Variants in COX7B2 observed in about 807,000 individuals in gnomAD.
COX7B2 encodes cytochrome c oxidase subunit 7B2, mitochondrial.
For missense variants in COX7B2, 109 were observed against 95.9 expected, an observed-to-expected ratio of 1.14 and a Z score of -0.57; for synonymous variants, 37 against 32.1, an observed-to-expected ratio of 1.15 and a Z score of -0.51.
chr4:46,844,682 A>G (rs1173748472), intron 2 of COX7B2, among the ~76,000 whole-genome samples: 3 of 152,146 alleles, frequency 2.0e-5, no homozygotes, highest in South Asian at 2.1e-4. Context: ...CTGTTCGTGT[A>G]GTTAAGACTA....
chr4:46,859,680 A>G (rs1717221857), intron 1 of COX7B2, among the ~76,000 whole-genome samples: 1 of 152,202 alleles, frequency 6.6e-6, no homozygotes, highest in African/African-American at 2.4e-5. Context: ...TAAAGAAACC[A>G]TCCAGAACCA....
intron 1 of COX7B2, among the ~76,000 whole-genome samples, chr4:46,870,791 A>G (rs939424993): frequency 2.0e-5 from 3 of 152,180 alleles, no homozygotes; most frequent in East Asian, 3.8e-4. Context: ...AGAAAGTGAA[A>G]GATCTCTACA....
intron 2 of COX7B2, among the ~76,000 whole-genome samples, chr4:46,754,730 A>ATATATATATATATATATATG (rs1471727627): frequency 1.9e-5 from 2 of 107,122 alleles, no homozygotes; most frequent in African/African-American, 3.4e-5. Flanking sequence ...GTGTGTGTGT[A>ATATATATATATATATATATG]TATATATATA....
intron 2 of COX7B2, among the ~76,000 whole-genome samples, chr4:46,774,349 T>C (rs58056631): frequency 0.034 from 5,116 of 152,032 alleles, 227 homozygotes; most frequent in African/African-American, 0.1. Flanking sequence ...TACCTGACCT[T>C]GTCTTCAAGT....
At chr4:46,873,012 C>T (rs1418177632) in intron 1 of COX7B2, among the ~76,000 whole-genome samples, 1 of 148,842 alleles carries the variant, frequency 6.7e-6, no homozygotes, top group Non-Finnish European at 1.5e-5. Flanking sequence ...GTGATGTTTC[C>T]CTCCCTGTGT....
At chr4:46,816,509 A>C (rs1719557415) in intron 2 of COX7B2, among the ~76,000 whole-genome samples, 1 of 152,186 alleles carries the variant, frequency 6.6e-6, no homozygotes, top group Admixed American at 6.5e-5. Context: ...ATAGTTATTT[A>C]TAGTTATTAT....
chr4:46,838,869 T>C (rs535969506), intron 2 of COX7B2, among the ~76,000 whole-genome samples: 2 of 152,048 alleles, frequency 1.3e-5, no homozygotes, highest in Admixed American at 6.6e-5. Context: ...AGATTAATTT[T>C]ACCTTTCCTG....
intron 2 of COX7B2, among the ~76,000 whole-genome samples, chr4:46,798,201 T>G (rs1718462148): frequency 6.6e-6 from 1 of 152,202 alleles, no homozygotes; most frequent in Non-Finnish European, 1.5e-5. Flanking sequence ...TCTAGTGGTA[T>G]GGGGCATGTT....
At chr4:46,865,914 G>A (rs773616181) in intron 1 of COX7B2, among the ~76,000 whole-genome samples, 1 of 152,080 alleles carries the variant, frequency 6.6e-6, no homozygotes, top group African/African-American at 2.4e-5. Context: ...CTTGTTAGGT[G>A]GAATTCTCCC....
intron 2 of COX7B2, among the ~76,000 whole-genome samples, chr4:46,753,274 C>T (rs1051214969): frequency 6.6e-6 from 1 of 152,010 alleles, no homozygotes; most frequent in Non-Finnish European, 1.5e-5. Context: ...TCCCCTTTAT[C>T]ATTTTTTATT....
rs545991171 is a variant in COX7B2 at position 46,880,595 on chromosome 4, G to A, written c.-105+28565C>T. Among the ~76,000 whole-genome samples the A allele has an allele frequency of 5.3e-4, 80 of 151,692 alleles. 1 individual carries two copies. Among genetic ancestry groups the A allele is most frequent in the Admixed American group, 1.6e-3 (24 of 15,252 alleles). On this transcript the variant is annotated intron_variant, in intron 1 of 2. Coordinates refer to ENST00000355591, the MANE Select transcript of COX7B2 (RefSeq NM_130902.3). ...TTGTGTACATAAGGTGTTCGTAGTA[G>A]TTTCTGATGGCAATTTTTATTTAAG...
In COX7B2 at chr4:46,880,002, G is replaced by A. The variant is rs542381300; in HGVS notation, c.-105+29158C>T. ...ACTTCCAATACTGTCTTGAATAGAA[G>A]TGGTGAGAGAGGGCATCCTTGCCTC... is the stretch of plus-strand genomic sequence containing the variant. On this transcript the variant is annotated intron_variant, in intron 1 of 2. Coordinates refer to ENST00000355591, the MANE Select transcript of COX7B2 (RefSeq NM_130902.3). 3.9e-5 allele frequency among the ~76,000 whole-genome samples: 6 copies of A among 152,230 alleles called. No individual in the cohort carries two copies. In the East Asian group the frequency reaches 1.2e-3, roughly 29 times the overall value.
intron 2 of COX7B2, among the ~76,000 whole-genome samples, chr4:46,743,988 C>A (rs1577649903): frequency 1.3e-5 from 2 of 152,144 alleles, no homozygotes; most frequent in South Asian, 2.1e-4. Flanking sequence ...TTTGTCTTAA[C>A]AACACTCATA....
At chr4:46,858,104 G>A (rs1717108340) in intron 1 of COX7B2, among the ~76,000 whole-genome samples, 1 of 151,992 alleles carries the variant, frequency 6.6e-6, no homozygotes, top group Non-Finnish European at 1.5e-5. Flanking sequence ...AATTATTGTA[G>A]CATCACATTC....
intron 1 of COX7B2, among the ~76,000 whole-genome samples, chr4:46,870,297 A>G (rs1717904059): frequency 6.7e-6 from 1 of 150,104 alleles, no homozygotes; most frequent in Admixed American, 6.7e-5. Flanking sequence ...CTTCCTGTTC[A>G]AAACTCTCAA....
intron 2 of COX7B2, among the ~76,000 whole-genome samples, chr4:46,842,058 G>A (rs911370573): frequency 6.6e-6 from 1 of 151,866 alleles, no homozygotes; most frequent in Non-Finnish European, 1.5e-5. Context: ...CCTTTACCCC[G>A]ATTTTATATT....
At chr4:46,772,850 T>C (rs1437800100) in intron 2 of COX7B2, among the ~76,000 whole-genome samples, 11 of 152,194 alleles carry the variant, frequency 7.2e-5, no homozygotes, top group Non-Finnish European at 7.3e-5. Context: ...AAGCTACCTA[T>C]TTCCGTTAAG....
intron 2 of COX7B2, among the ~76,000 whole-genome samples, chr4:46,753,101 T>C (rs148548405): frequency 0.011 from 1,673 of 152,280 alleles, 19 homozygotes; most frequent in Middle Eastern, 0.041. Context: ...CAGAGCCTGT[T>C]ATCGGTCTAT....
At chr4:46,868,621 T>C (rs1717811890) in intron 1 of COX7B2, among the ~76,000 whole-genome samples, 1 of 152,202 alleles carries the variant, frequency 6.6e-6, no homozygotes, top group Admixed American at 6.5e-5. Context: ...TTGATTTCAA[T>C]ATTTATCTAA....
Sources: gnomAD v4.1 joint callset for allele counts (sites outside exome capture counted in the v4.1 genomes callset) on GRCh38, gnomAD v4.1.1 for gene constraint, MANE v1.5 for transcripts, NCBI Gene and HGNC (gene_info 2026-07-23, HGNC 2026-07-21) for gene names.